RBBP8: variants seen among roughly 807,000 people sequenced by gnomAD.
The protein encoded by RBBP8 is DNA endonuclease RBBP8.
RBBP8 carries 88 observed loss-of-function variants against 108.3 expected under a neutral mutation model. The observed-to-expected ratio is 0.81, with a 90% CI of 0.68 to 0.97. RBBP8 has a LOEUF of 0.97. Ranked by LOEUF, RBBP8 falls within the 50% of genes least tolerant of loss-of-function variation. The probability of loss-of-function intolerance (pLI) is 0.00; values close to 1 mark genes in which losing one functional copy is unlikely to be tolerated. For missense variants in RBBP8, 1,023 were observed against 1,049.0 expected (o/e 0.98, Z 0.34); for synonymous variants, 332 against 348.2 (o/e 0.95, Z 0.52).
chr18:23,011,597 T>C lies in RBBP8; in HGVS notation c.2357+5165T>C, dbSNP rs145182743. 1.5e-3 allele frequency among the ~76,000 whole-genome samples: 235 copies of C among 152,092 alleles called. 1 individual carries two copies. Among genetic ancestry groups the C allele is most frequent in the African/African-American group, 5.4e-3 (224 of 41,508 alleles). ...GACTACAAGTGCCCGCCACCACGCC[T>C]GGCTAATTTTTTTGTGTTTTTTTAG... On this transcript the variant is annotated intron_variant, in intron 16 of 18. Transcript: ENST00000327155.
At chr18:22,970,933 A>G (rs1046429206) in intron 5 of RBBP8, among the ~76,000 whole-genome samples, 1 of 152,204 alleles carries the variant, frequency 6.6e-6, no homozygotes, top group African/African-American at 2.4e-5. Context: ...ATAAAAATAC[A>G]CACACGTAAA....
intron 12 of RBBP8, among the ~76,000 whole-genome samples, chr18:22,994,658 A>AAG (rs1491037451): frequency 2.0e-5 from 3 of 150,718 alleles, no homozygotes; most frequent in Non-Finnish European, 4.4e-5. Context: ...AAAAAAAAAA[A>AAG]GAAAAAAAAA....
intron 3 of RBBP8, among the ~76,000 whole-genome samples, chr18:22,919,572 TGA>T (rs760812939): frequency 1.2e-4 from 18 of 152,168 alleles, no homozygotes; most frequent in Non-Finnish European, 2.4e-4. Flanking sequence ...TTTCTTTTTT[TGA>T]GAGAGAGAGT....
intron 4 of RBBP8, among the ~76,000 whole-genome samples, chr18:22,954,344 C>T (rs541023112): frequency 1.3e-5 from 2 of 152,210 alleles, no homozygotes; most frequent in African/African-American, 2.4e-5. Flanking sequence ...GGTAAATACA[C>T]CCATTCCAAA....
intron 1 of RBBP8, among the ~76,000 whole-genome samples, chr18:22,936,371 G>A (rs1445614952): frequency 1.3e-5 from 2 of 152,106 alleles, no homozygotes; most frequent in African/African-American, 4.8e-5. Flanking sequence ...CAAAGAGCTA[G>A]GATTACAGGC....
Position 22,992,792 on chromosome 18 carries a change from C to T in RBBP8, c.965C>T (p.Pro322Leu). The T allele has an allele frequency of 6.2e-7, 1 of 1,603,382 alleles. No homozygotes were observed. Among genetic ancestry groups the T allele is most frequent in the Non-Finnish European group, 8.5e-7 (1 of 1,170,518 alleles). Residue 322 changes from proline to leucine, a missense_variant, in exon 11 of 19, where the codon CCT becomes CTT. By Grantham distance (98) the Pro-to-Leu change is moderately conservative (BLOSUM62 -3). Coordinates refer to ENST00000327155, the MANE Select transcript of RBBP8 (RefSeq NM_002894.3). ...AAGACTCCTCCTCAAGAAGAATTACCTACTCGAGTGTCATCTCCTGTATTT... is the reference window on the plus strand; with the variant it reads ...AAGACTCCTCCTCAAGAAGAATTACTTACTCGAGTGTCATCTCCTGTATTT... ...TSKTPPQEEL[P>L]TRVSSPVFGA...
intron 5 of RBBP8, among the ~76,000 whole-genome samples, chr18:22,974,853 T>C (rs1914385211): frequency 6.6e-6 from 1 of 152,202 alleles, no homozygotes; most frequent in Admixed American, 6.5e-5. Context: ...TGGAATGCTT[T>C]CTTGTCCTCA....
At chr18:22,978,798 A>G (rs1399343548) in intron 6 of RBBP8, among the ~76,000 whole-genome samples, 7 of 152,322 alleles carry the variant, frequency 4.6e-5, no homozygotes. Context: ...TGACTTAATA[A>G]TGATTGTATA....
intron 15 of RBBP8, among the ~76,000 whole-genome samples, chr18:23,001,937 A>T (rs934830835): frequency 6.6e-6 from 1 of 152,154 alleles, no homozygotes; most frequent in African/African-American, 2.4e-5. Flanking sequence ...TGTACCTTTG[A>T]CCCAACCTCT....
intron 10 of RBBP8, among the ~76,000 whole-genome samples, chr18:22,991,503 C>G (rs138093872): frequency 6.6e-6 from 1 of 152,308 alleles, no homozygotes; most frequent in African/African-American, 2.4e-5. Context: ...GACCCCCTCC[C>G]CCATGGGTAC....
chr18:22,989,338 G>A lies in RBBP8; in HGVS notation c.807+20G>A. On this transcript the variant is annotated intron_variant, in intron 9 of 18. Transcript: ENST00000327155. ...GAATCTGTAAGTAATTGTTTAGTTTGGCAATAACATGAATTAATTTTATGT... is the reference window on the plus strand; with the variant it reads ...GAATCTGTAAGTAATTGTTTAGTTTAGCAATAACATGAATTAATTTTATGT... The A allele has an allele frequency of 6.6e-7, 1 of 1,509,306 alleles. No individual in the cohort carries two copies. 93.5% of individuals were successfully genotyped at this position (1,509,306 alleles called of 1,614,324 possible).
rs933219016 is a variant in RBBP8 at position 22,993,950 on chromosome 18, T to C, written c.1939+103T>C. Reference sequence around the variant, plus strand: ...TTGAATTGTTTTGGAAAAAAACTTATTTCTTCCTTCAGGTGTCTGTATTTA... The same window carrying C: ...TTGAATTGTTTTGGAAAAAAACTTACTTCTTCCTTCAGGTGTCTGTATTTA... On this transcript the variant is annotated intron_variant, in intron 12 of 18. Coordinates refer to ENST00000327155, the MANE Select transcript of RBBP8 (RefSeq NM_002894.3). The C allele has an allele frequency of 1.5e-5, 19 of 1,279,192 alleles. No individual in the cohort carries two copies. The Admixed American group carries it at 3.8e-4, about 26-fold the overall frequency. The allele number at this position is 1,279,192 out of a possible 1,614,324, so 79.2% of individuals were successfully genotyped here.
intron 6 of RBBP8, among the ~76,000 whole-genome samples, chr18:22,976,513 A>C (rs968804872): frequency 1.3e-5 from 2 of 152,130 alleles, no homozygotes; most frequent in Non-Finnish European, 2.9e-5. Flanking sequence ...ACTTCATGTG[A>C]GTATTCATAT....
intron 4 of RBBP8, among the ~76,000 whole-genome samples, chr18:22,955,579 CT>C (rs746128314): frequency 0.017 from 2,383 of 140,176 alleles, 41 homozygotes; most frequent in African/African-American, 0.047. Context: ...AGGTTTATAT[CT>C]TTTTTTTTTT....
At chr18:22,995,922 G>T (rs1478017294) in intron 12 of RBBP8, among the ~76,000 whole-genome samples, 1 of 152,070 alleles carries the variant, frequency 6.6e-6, no homozygotes, top group Non-Finnish European at 1.5e-5. Flanking sequence ...GGAATTGTTG[G>T]GCCATATGCC....
rs557764104 is a variant in RBBP8 at position 22,958,011 on chromosome 18, A to T, written c.248+8298A>T. 3.9e-5 allele frequency among the ~76,000 whole-genome samples: 6 copies of T among 152,320 alleles called. No homozygotes were observed. In the South Asian group the frequency reaches 1.2e-3, roughly 32 times the overall value. Reference sequence around the variant, plus strand: ...GTTTTATATTGCTTCACCTGTGAACAGTTTCCCTGTTCTTACCATTATGTT... The same window carrying T: ...GTTTTATATTGCTTCACCTGTGAACTGTTTCCCTGTTCTTACCATTATGTT... On this transcript the variant is annotated intron_variant, in intron 4 of 18. Transcript: ENST00000327155.
At position 22,993,411 on chromosome 18, in the gene RBBP8, T is replaced by C. The variant is rs774516069; in HGVS notation, c.1584T>C (p.Ile528=). Reference sequence around the variant, plus strand: ...CTCTTTATGAGGCTTTGAAGACCATTCCAAAGGGCTTTTCCTCAAGCCGTA... The same window carrying C: ...CTCTTTATGAGGCTTTGAAGACCATCCCAAAGGGCTTTTCCTCAAGCCGTA... ...QVTLYEALKT[I]PKGFSSSRKA... Residue 528 remains isoleucine (I), a synonymous_variant, in exon 11 of 19, where the codon ATT becomes ATC. Coordinates refer to ENST00000327155, the MANE Select transcript of RBBP8 (RefSeq NM_002894.3). 5 of 1,614,072 alleles carry C rather than the reference T, an allele frequency of 3.1e-6. No homozygotes were observed. In the Admixed American group the frequency reaches 5.0e-5, roughly 16 times the overall value.
At chr18:23,014,062 G>A (rs1413011617) in intron 16 of RBBP8, among the ~76,000 whole-genome samples, 5 of 152,038 alleles carry the variant, frequency 3.3e-5, no homozygotes, top group South Asian at 2.1e-4. Context: ...TGAATGGCGC[G>A]ATCTTGGCTC....
At position 22,992,831 on chromosome 18, in the gene RBBP8, G is replaced by C. The variant is rs1420084831; in HGVS notation, c.1004G>C (p.Ser335Thr). ...TCTCCTGTATTTGGAGCTACCTCTA[G>C]TATCAAAAGTGGTTTAGATTTGAAT... ...VSSPVFGATSSIKSGLDLNTS... is the reference protein window; with the variant it reads ...VSSPVFGATSTIKSGLDLNTS... Residue 335 changes from serine to threonine, a missense_variant, in exon 11 of 19, where the codon AGT becomes ACT. Physicochemically the swap from Ser to Thr is moderately conservative, Grantham distance 58. Coordinates refer to ENST00000327155, the MANE Select transcript of RBBP8 (RefSeq NM_002894.3). 1.2e-6 allele frequency: 2 copies of C among 1,611,330 alleles called. No homozygotes were observed. Among genetic ancestry groups the C allele is most frequent in the South Asian group, 1.1e-5 (1 of 91,018 alleles).
Sources: gnomAD v4.1 joint callset for allele counts (sites outside exome capture counted in the v4.1 genomes callset) on GRCh38, gnomAD v4.1.1 for gene constraint, MANE v1.5 for transcripts, NCBI Gene and HGNC (gene_info 2026-07-23, HGNC 2026-07-21) for gene names.